FRS2: variants seen among roughly 807,000 people sequenced by gnomAD.
FRS2 encodes the protein fibroblast growth factor receptor substrate 2.
In FRS2, 8 loss-of-function variants were observed where a neutral mutation model predicts 43.9. That is an observed-to-expected ratio of 0.18 (90% CI 0.11 to 0.33). The LOEUF (loss-of-function observed/expected upper bound fraction) is 0.33, where lower values mean the gene tolerates loss of function less well. FRS2 is among the 10% of genes least tolerant of loss of function. The pLI, the probability that FRS2 is intolerant of heterozygous loss-of-function variation, is 1.00. For synonymous variants in FRS2, 219 were observed against 220.3 expected (o/e 0.99, Z 0.05); for missense variants, 534 against 627.6 (o/e 0.85, Z 1.59).
chr12:69,549,404 A>G (rs529586149), intron 3 of FRS2, among the ~76,000 whole-genome samples: 3 of 147,642 alleles, frequency 2.0e-5, no homozygotes, highest in African/African-American at 7.7e-5. Flanking sequence ...AGTAGTTCAG[A>G]TTTAGTTTAG....
At chr12:69,549,207 T>TA (rs1277737359) in intron 3 of FRS2, among the ~76,000 whole-genome samples, 3 of 152,242 alleles carry the variant, frequency 2.0e-5, no homozygotes, top group African/African-American at 7.2e-5. Flanking sequence ...AGAGGTTTTA[T>TA]ATCATATTAA....
At chr12:69,565,529 C>T (rs1421520430) in intron 4 of FRS2, among the ~76,000 whole-genome samples, 3 of 152,156 alleles carry the variant, frequency 2.0e-5, no homozygotes, top group Non-Finnish European at 4.4e-5. Context: ...ACACATTCTA[C>T]AGCAGTACAG....
chr12:69,548,818 A>C (rs1047678679), intron 3 of FRS2, among the ~76,000 whole-genome samples: 1 of 152,158 alleles, frequency 6.6e-6, no homozygotes, highest in Non-Finnish European at 1.5e-5. Flanking sequence ...GGTTACCTGA[A>C]TCAGCAAGAG....
chr12:69,511,655 C>T (rs1874466929), intron 1 of FRS2, among the ~76,000 whole-genome samples: 1 of 152,108 alleles, frequency 6.6e-6, no homozygotes, highest in Non-Finnish European at 1.5e-5. Context: ...GTTCTATGAT[C>T]CATTACAAAG....
At chr12:69,558,295 A>G (rs1017243508) in intron 3 of FRS2, among the ~76,000 whole-genome samples, 2 of 152,208 alleles carry the variant, frequency 1.3e-5, no homozygotes, top group East Asian at 3.8e-4. Context: ...TTTCTTACCA[A>G]TGTTAAGTTA....
intron 3 of FRS2, among the ~76,000 whole-genome samples, chr12:69,560,428 C>T (rs142898688): frequency 9.2e-4 from 140 of 152,280 alleles, no homozygotes; most frequent in Middle Eastern, 3.4e-3. Context: ...GTTGTTTTCA[C>T]AGCTAACATG....
At chr12:69,560,995 G>A (rs1465751695) in intron 3 of FRS2, among the ~76,000 whole-genome samples, 2 of 152,166 alleles carry the variant, frequency 1.3e-5, no homozygotes, top group African/African-American at 4.8e-5. Flanking sequence ...GTGGAATGAA[G>A]AATGAGAGGA....
At chr12:69,534,606 G>A (rs1023735399) in intron 3 of FRS2, among the ~76,000 whole-genome samples, 3 of 152,194 alleles carry the variant, frequency 2.0e-5, no homozygotes, top group African/African-American at 7.2e-5. Flanking sequence ...GGAGAAGAAT[G>A]CAGCTGAGAG....
At chr12:69,479,320 C>G (rs1172293571) in intron 1 of FRS2, among the ~76,000 whole-genome samples, 2 of 149,560 alleles carry the variant, frequency 1.3e-5, no homozygotes, top group East Asian at 3.9e-4. Flanking sequence ...ATTTCATTAT[C>G]TTCTGGCTTT....
chr12:69,539,681 G>C (rs1482916411), intron 3 of FRS2, among the ~76,000 whole-genome samples: 2 of 152,044 alleles, frequency 1.3e-5, no homozygotes, highest in Non-Finnish European at 2.9e-5. Flanking sequence ...GCTTAATCTA[G>C]GACTAGGGCA....
chr12:69,553,179 C>G (rs1444496191), intron 3 of FRS2, among the ~76,000 whole-genome samples: 1 of 152,112 alleles, frequency 6.6e-6, no homozygotes, highest in Non-Finnish European at 1.5e-5. Context: ...ACACAAGATT[C>G]TCCTGCCTCA....
intron 1 of FRS2, among the ~76,000 whole-genome samples, chr12:69,504,119 A>G (rs1392392585): frequency 1.3e-5 from 2 of 152,162 alleles, no homozygotes; most frequent in African/African-American, 4.8e-5. Context: ...AGAACAGGAG[A>G]CATCTCTCTG....
At chr12:69,556,922 A>T (rs1447029868) in intron 3 of FRS2, among the ~76,000 whole-genome samples, 1 of 152,212 alleles carries the variant, frequency 6.6e-6, no homozygotes, top group African/African-American at 2.4e-5. Flanking sequence ...TACCTCCTAC[A>T]GTTGCTCAGT....
intron 1 of FRS2, among the ~76,000 whole-genome samples, chr12:69,505,367 A>C (rs1873831965): frequency 6.6e-6 from 1 of 152,234 alleles, no homozygotes; most frequent in African/African-American, 2.4e-5. Flanking sequence ...TAACCTTGAA[A>C]TACTAATTCC....
chr12:69,572,293 C>T lies in FRS2; in HGVS notation c.576+12C>T. ...TGGCTGAGGAACAAGTAAGCATGTG[C>T]TACTGTGTAACAGCAATAATGATTG... is the stretch of plus-strand genomic sequence containing the variant. On this transcript the variant is annotated intron_variant, in intron 8 of 8. Transcript: ENST00000549921. 6.2e-7 allele frequency: 1 copy of T among 1,600,604 alleles called. No individual in the cohort carries two copies. Among genetic ancestry groups the T allele is most frequent in the South Asian group, 1.1e-5 (1 of 90,662 alleles).
chr12:69,557,905 T>A (rs1036378410), intron 3 of FRS2: 11 of 152,130 alleles, frequency 7.2e-5, no homozygotes, highest in South Asian at 2.1e-4. Flanking sequence ...TTTCTTTTTT[T>A]AAAAAGCTAG....
rs1881373893 is a variant in FRS2, at chr12:69,578,952, A to G, written c.*3997A>G. On this transcript the variant is annotated 3_prime_UTR_variant, in exon 9 of 9. Coordinates refer to ENST00000549921, the MANE Select transcript of FRS2 (RefSeq NM_001278356.2). The stretch of plus-strand genomic sequence containing the variant: ...AATAAAAAGACATAAGTGATACTGT[A>G]CTATGCATACATTGTATCTTAATGC... 1 of 152,790 alleles carries G rather than the reference A, an allele frequency of 6.5e-6. No homozygotes were observed. Among genetic ancestry groups the G allele is most frequent in the East Asian group, 1.9e-4 (1 of 5,192 alleles). 9.5% of individuals were successfully genotyped at this position (152,790 alleles called of 1,614,324 possible). A position where few individuals can be genotyped will look rare whatever the true frequency, so the allele number is the denominator to read the frequency against.
chr12:69,530,045 C>T (rs1876634136), intron 1 of FRS2, among the ~76,000 whole-genome samples: 2 of 151,952 alleles, frequency 1.3e-5, no homozygotes, highest in African/African-American at 4.8e-5. Flanking sequence ...CAGAGTGAGA[C>T]TCCGTCTCAA....
intron 3 of FRS2, among the ~76,000 whole-genome samples, chr12:69,539,830 C>A (rs1466660020): frequency 6.6e-6 from 1 of 152,072 alleles, no homozygotes; most frequent in Non-Finnish European, 1.5e-5. Context: ...TGGCGGGCGC[C>A]TGTAATCCCA....
Sources: allele counts gnomAD v4.1 joint callset (sites outside exome capture counted in the v4.1 genomes callset), GRCh38; gene constraint gnomAD v4.1.1; transcripts MANE v1.5; gene names NCBI Gene and HGNC (gene_info 2026-07-23, HGNC 2026-07-21).